TTC28: variants seen among roughly 807,000 people sequenced by gnomAD.
TTC28 encodes tetratricopeptide repeat protein 28.
In TTC28, 61 loss-of-function variants were observed where a neutral mutation model predicts 198.0. The observed-to-expected ratio is 0.31, with a 90% CI of 0.25 to 0.38. The LOEUF is 0.38. Ranked by LOEUF, TTC28 falls within the 10% of genes least tolerant of loss-of-function variation. The probability of loss-of-function intolerance (pLI) is 1.00; values close to 1 mark genes in which losing one functional copy is unlikely to be tolerated. For missense variants in TTC28, 2,678 were observed against 3,164.0 expected (o/e 0.85, Z 3.69); for synonymous variants, 1,171 against 1,297.8 (o/e 0.90, Z 2.10).
intron 2 of TTC28, among the ~76,000 whole-genome samples, chr22:28,506,440 G>A (rs2048614319): frequency 6.6e-6 from 1 of 151,904 alleles, no homozygotes; most frequent in African/African-American, 2.4e-5. Context: ...GGGGAGGGGT[G>A]GCTGCCATCT....
chr22:28,122,054 G>A (rs777604743), intron 6 of TTC28, among the ~76,000 whole-genome samples: 5 of 152,140 alleles, frequency 3.3e-5, no homozygotes, highest in Non-Finnish European at 4.4e-5. Context: ...TTTTAGTAGA[G>A]ACAGGGTTTT....
intron 2 of TTC28, among the ~76,000 whole-genome samples, chr22:28,391,791 C>T (rs1010381703): frequency 1.3e-5 from 2 of 152,188 alleles, no homozygotes; most frequent in Admixed American, 6.5e-5. Context: ...ATTTGAATTT[C>T]CTCCCGTAGC....
At chr22:28,030,478 G>GTCTCCAGA (rs1407677929) in intron 12 of TTC28, 112 bp from the exon 13 acceptor site, 1 of 1,340,540 alleles carries the variant, frequency 7.5e-7, no homozygotes, top group East Asian at 2.5e-5. Flanking sequence ...TAGTACCGTT[G>GTCTCCAGA]TCTCCAGATG....
At chr22:28,258,667 G>A (rs2147292862) in intron 5 of TTC28, among the ~76,000 whole-genome samples, 1 of 152,264 alleles carries the variant, frequency 6.6e-6, no homozygotes, top group African/African-American at 2.4e-5. Flanking sequence ...ACACTTTACA[G>A]AAGAGGGAAT....
intron 5 of TTC28, among the ~76,000 whole-genome samples, chr22:28,261,371 C>A (rs1016469906): frequency 6.6e-6 from 1 of 152,020 alleles, no homozygotes; most frequent in African/African-American, 2.4e-5. Context: ...ACAGGGTGAT[C>A]CCTGGAGGCC....
At chr22:28,251,799 A>G (rs926902673) in intron 5 of TTC28, among the ~76,000 whole-genome samples, 1 of 152,190 alleles carries the variant, frequency 6.6e-6, no homozygotes, top group African/African-American at 2.4e-5. Context: ...TTCACTCTCC[A>G]TTAAAAAGGA....
intron 2 of TTC28, among the ~76,000 whole-genome samples, chr22:28,530,454 G>A (rs530085907): frequency 1.3e-5 from 2 of 152,260 alleles, no homozygotes; most frequent in South Asian, 4.1e-4. Context: ...TGAAAGTCAT[G>A]GGGAGAATGG....
At chr22:28,170,858 CCT>C (rs1922604648) in intron 5 of TTC28, among the ~76,000 whole-genome samples, 1 of 152,082 alleles carries the variant, frequency 6.6e-6, no homozygotes, top group Non-Finnish European at 1.5e-5. Context: ...CTCACCACCC[CCT>C]CTCAGGCTCA....
intron 2 of TTC28, among the ~76,000 whole-genome samples, chr22:28,528,557 T>C (rs937038679): frequency 6.8e-5 from 10 of 146,954 alleles, no homozygotes; most frequent in African/African-American, 2.5e-4. Context: ...TAAAACCCCA[T>C]CTCTAATAAA....
chr22:28,567,217 G>GAA (rs962703897), intron 2 of TTC28, among the ~76,000 whole-genome samples: 1 of 83,070 alleles, frequency 1.2e-5, no homozygotes, highest in Non-Finnish European at 2.4e-5. Flanking sequence ...CTCCATCTCG[G>GAA]AAAAAAAAAA....
At chr22:28,637,804 G>A (rs1020016927) in intron 1 of TTC28, among the ~76,000 whole-genome samples, 3 of 149,460 alleles carry the variant, frequency 2.0e-5, no homozygotes, top group Non-Finnish European at 4.4e-5. Context: ...AAAACTATAT[G>A]CTGCTTACAA....
intron 8 of TTC28, among the ~76,000 whole-genome samples, chr22:28,101,546 G>A (rs536412351): frequency 2.6e-4 from 40 of 151,840 alleles, no homozygotes; most frequent in African/African-American, 8.9e-4. Flanking sequence ...TTTTTGGTAC[G>A]GACAGGGTTT....
chr22:28,202,294 T>C (rs1926027578), intron 5 of TTC28, among the ~76,000 whole-genome samples: 1 of 152,054 alleles, frequency 6.6e-6, no homozygotes, highest in African/African-American at 2.4e-5. Flanking sequence ...CACAGCACTT[T>C]GGGAGGCCAA....
rs1457015558 is a variant in TTC28 at position 28,005,013 on chromosome 22, CAG to C, written c.4219-3462_4219-3461del. Among the ~76,000 whole-genome samples, 1 of 152,182 alleles carries C rather than the reference CAG, an allele frequency of 6.6e-6. No individual in the cohort carries two copies. The highest frequency in any genetic ancestry group is 1.5e-5 in the Non-Finnish European group (1 of 68,038). On this transcript the variant is annotated intron_variant, in intron 14 of 22. Coordinates refer to ENST00000397906, the MANE Select transcript of TTC28 (RefSeq NM_001145418.2). This position sits in a 1 kb window ranked among gnomAD's most constrained non-coding sequence, Gnocchi z 4.9. ...GCACCAGCCTTACAGCAGCAACTAC[CAG>C]AGTCTCCAACAGATTCCATCAAAGA... is the stretch of plus-strand genomic sequence containing the variant.
chr22:28,645,854 C>CG (rs2051456897), intron 1 of TTC28, among the ~76,000 whole-genome samples: 1 of 152,102 alleles, frequency 6.6e-6, no homozygotes, highest in Admixed American at 6.6e-5. Context: ...CCTCCACCTC[C>CG]TGGTTCAAGT....
At chr22:28,180,023 C>G (rs1269242891) in intron 5 of TTC28, among the ~76,000 whole-genome samples, 1 of 152,168 alleles carries the variant, frequency 6.6e-6, no homozygotes, top group African/African-American at 2.4e-5. Flanking sequence ...TAACAAAGGT[C>G]TGCCTGGTAG....
In TTC28 at chr22:28,050,789, A is replaced by G. The variant is rs545791921; in HGVS notation, c.3933-20423T>C. Among the ~76,000 whole-genome samples, 569 of 152,306 alleles carry G rather than the reference A, an allele frequency of 3.7e-3. 3 individuals carry two copies. The highest frequency in any genetic ancestry group is 0.013 in the African/African-American group (528 of 41,556). Reference sequence around the variant, plus strand: ...TCATACTGTGCCGCTTCTAATGGGAATCCTACAGCTAGACCTCCACATAAT... The same window carrying G: ...TCATACTGTGCCGCTTCTAATGGGAGTCCTACAGCTAGACCTCCACATAAT... On this transcript the variant is annotated intron_variant, in intron 12 of 22. Coordinates refer to ENST00000397906, the MANE Select transcript of TTC28 (RefSeq NM_001145418.2).
At chr22:28,111,168 AT>A (rs1007282602) in intron 6 of TTC28, among the ~76,000 whole-genome samples, 2 of 151,798 alleles carry the variant, frequency 1.3e-5, no homozygotes, top group African/African-American at 4.8e-5. Flanking sequence ...ATGTATTTTA[AT>A]TTTTTTTCTA....
chr22:28,594,870 G>A (rs2050511199), intron 2 of TTC28, among the ~76,000 whole-genome samples: 1 of 152,196 alleles, frequency 6.6e-6, no homozygotes. Context: ...GACTTGCAGT[G>A]CTGTTTAACA....
Sources: gnomAD v4.1 joint callset for allele counts (sites outside exome capture counted in the v4.1 genomes callset) on GRCh38, gnomAD v4.1.1 for gene constraint, Gnocchi (gnomAD v3.1) non-coding constraint, MANE v1.5 for transcripts, NCBI Gene and HGNC (gene_info 2026-07-23, HGNC 2026-07-21) for gene names.